PTK2: variants seen among roughly 807,000 people sequenced by gnomAD.
The protein encoded by PTK2 is protein tyrosine kinase 2.
In PTK2, 45 loss-of-function variants were observed where a neutral mutation model predicts 150.1. The ratio of observed to expected loss-of-function variants is 0.30; its 90% confidence interval spans 0.24 to 0.38. PTK2 has a LOEUF of 0.38. Among genes scored for constraint, PTK2 ranks in the 10% least tolerant of loss-of-function variants. PTK2 has a pLI of 1.00. For synonymous variants in PTK2, 432 were observed against 449.2 expected (o/e 0.96, Z 0.48); for missense variants, 919 against 1,307.3 (o/e 0.70, Z 4.58).
chr8:140,718,253 T>G (rs1300158876), intron 22 of PTK2: 1 of 153,258 alleles, frequency 6.5e-6, no homozygotes, highest in African/African-American at 2.4e-5. Context: ...TATTTACAAG[T>G]GCTTCTGAAA....
At chr8:140,786,921 G>T (rs2100085309) in intron 14 of PTK2, among the ~76,000 whole-genome samples, 1 of 152,064 alleles carries the variant, frequency 6.6e-6, no homozygotes, top group Non-Finnish European at 1.5e-5. Flanking sequence ...GAGATAAGGA[G>T]GATGGGAGAG....
intron 7 of PTK2, among the ~76,000 whole-genome samples, chr8:140,836,040 G>A (rs1252230302): frequency 1.3e-5 from 2 of 151,982 alleles, no homozygotes; most frequent in Admixed American, 1.3e-4. Context: ...AGCCACCCAC[G>A]ACCCTGAACT....
intron 10 of PTK2, among the ~76,000 whole-genome samples, chr8:140,810,453 G>C (rs1596535752): frequency 6.6e-6 from 1 of 152,288 alleles, no homozygotes; most frequent in East Asian, 1.9e-4. Flanking sequence ...TTGCAGGGTA[G>C]CCTTGGGTGC....
chr8:140,659,399 T>C, exon 32 of PTK2: 3 of 1,423,696 alleles, frequency 2.1e-6, no homozygotes, highest in African/African-American at 1.4e-5. Flanking sequence ...GGTTAATTCC[T>C]CGCTGCTGGT....
chr8:140,729,364 G>C (rs2100047864), intron 22 of PTK2, among the ~76,000 whole-genome samples: 2 of 152,348 alleles, frequency 1.3e-5, no homozygotes, highest in Non-Finnish European at 2.9e-5. Context: ...GCTTGGCTCT[G>C]ATTTGCTTGA....
intron 4 of PTK2, among the ~76,000 whole-genome samples, chr8:140,875,513 G>A (rs73714771): frequency 0.022 from 3,356 of 152,208 alleles, 134 homozygotes; most frequent in African/African-American, 0.078. Context: ...AGGACTGTGA[G>A]GTCATCAGAA....
At chr8:140,750,502 G>A (rs2100062042) in intron 17 of PTK2, 1 of 152,238 alleles carries the variant, frequency 6.6e-6, no homozygotes, top group African/African-American at 2.4e-5. Flanking sequence ...CTAGTCTTGT[G>A]TGACAAAAAA....
At chr8:140,996,335 G>A (rs1418257313) in intron 1 of PTK2, among the ~76,000 whole-genome samples, 1 of 152,238 alleles carries the variant, frequency 6.6e-6, no homozygotes, top group Non-Finnish European at 1.5e-5. Context: ...AAAAGTGCAA[G>A]ATGAAGCAGC....
chr8:140,932,222 CTTTTT>C (rs1029187889), intron 1 of PTK2, among the ~76,000 whole-genome samples: 3 of 151,864 alleles, frequency 2.0e-5, no homozygotes, highest in African/African-American at 4.8e-5. Context: ...TTTAACATTT[CTTTTT>C]TTTCTTTTTT....
At chr8:140,919,072 C>T (rs376109733) in intron 2 of PTK2, among the ~76,000 whole-genome samples, 3 of 152,262 alleles carry the variant, frequency 2.0e-5, no homozygotes, top group African/African-American at 7.2e-5. Context: ...GTGTGTGCAG[C>T]ACCAGGAAGG....
intron 14 of PTK2, among the ~76,000 whole-genome samples, chr8:140,771,794 T>C (rs1349936453): frequency 6.6e-6 from 1 of 151,928 alleles, no homozygotes; most frequent in Non-Finnish European, 1.5e-5. Flanking sequence ...TTTTTTTTTT[T>C]TTTGAGACAA....
At chr8:140,895,213 CAG>C (rs1447144393) in intron 2 of PTK2, among the ~76,000 whole-genome samples, 2 of 152,150 alleles carry the variant, frequency 1.3e-5, no homozygotes, top group Non-Finnish European at 2.9e-5. Context: ...TGAATGTAGA[CAG>C]AGCTATACTT....
chr8:140,739,304 G>C (rs897011167), intron 20 of PTK2, among the ~76,000 whole-genome samples, 197 bp from the exon 24 acceptor site: 4 of 152,136 alleles, frequency 2.6e-5, no homozygotes, highest in African/African-American at 9.7e-5. Context: ...TTAGATGGTA[G>C]ATAAATAAAA....
intron 1 of PTK2, among the ~76,000 whole-genome samples, chr8:140,972,554 T>G (rs8180948): frequency 6.6e-6 from 1 of 152,072 alleles, no homozygotes; most frequent in South Asian, 2.1e-4. Context: ...CACGAGCCAC[T>G]GTGCCCAGCC....
chr8:140,707,705 G>A (rs758899666), intron 23 of PTK2, among the ~76,000 whole-genome samples: 3 of 152,134 alleles, frequency 2.0e-5, no homozygotes, highest in Non-Finnish European at 4.4e-5. Context: ...GTGCCCAGCC[G>A]AACTGCACAC....
chr8:140,998,435 A>G (rs10101191), intron 1 of PTK2, among the ~76,000 whole-genome samples: 3,377 of 152,262 alleles, frequency 0.022, 134 homozygotes, highest in African/African-American at 0.078. Flanking sequence ...GACAGTTTTC[A>G]AAATTATTTT....
At chr8:140,949,203 A>G (rs2100178679) in intron 1 of PTK2, among the ~76,000 whole-genome samples, 3 of 152,152 alleles carry the variant, frequency 2.0e-5, no homozygotes, top group Non-Finnish European at 4.4e-5. Flanking sequence ...ACTCTGTTGT[A>G]AAAATACAGT....
At chr8:140,898,291 A>G (rs2100157108) in intron 2 of PTK2, among the ~76,000 whole-genome samples, 2 of 152,332 alleles carry the variant, frequency 1.3e-5, no homozygotes, top group Non-Finnish European at 2.9e-5. Context: ...CTAGGCTGTT[A>G]AACAGTTCCA....
chr8:140,935,419 A>C (rs1437454277), intron 1 of PTK2, among the ~76,000 whole-genome samples: 1 of 152,124 alleles, frequency 6.6e-6, no homozygotes, highest in Middle Eastern at 3.2e-3. Context: ...GAGCATAAAT[A>C]ACACCTAGGC....
Sources: gnomAD v4.1 joint callset for allele counts (sites outside exome capture counted in the v4.1 genomes callset) on GRCh38, gnomAD v4.1.1 for gene constraint, MANE v1.5 for transcripts, NCBI Gene and HGNC (gene_info 2026-07-23, HGNC 2026-07-21) for gene names.